The following FLNC variants were observed in gnomAD, a reference collection of about 807,000 sequenced individuals.
FLNC encodes the protein filamin-C.
A neutral mutation model predicts 254.3 loss-of-function variants in FLNC; 91 were observed. That is an observed-to-expected ratio of 0.36 (90% CI 0.30 to 0.43). FLNC has a LOEUF of 0.43. Ranked by LOEUF, FLNC falls within the 20% of genes least tolerant of loss-of-function variation. The pLI is 1.00. For missense variants in FLNC, 2,853 were observed against 3,802.6 expected (o/e 0.75, Z 6.57); for synonymous variants, 1,430 against 1,577.2 (o/e 0.91, Z 2.21).
At chr7:128,848,368 C>T (rs1808653098) in intron 26 of FLNC, among the ~76,000 whole-genome samples, 193 bp from the exon 27 acceptor site, 2 of 152,104 alleles carry the variant, frequency 1.3e-5, no homozygotes, top group African/African-American at 4.8e-5. Flanking sequence ...CTGGCTCTGT[C>T]GAGGGAGTCC....
intron 9 of FLNC, 121 bp downstream of exon 9, chr7:128,840,281 G>A: frequency 1.6e-6 from 2 of 1,251,950 alleles, no homozygotes; most frequent in South Asian, 2.5e-5. Flanking sequence ...AGTGACCAGA[G>A]GCACCCCAGA....
chr7:128,849,560 C>G lies in FLNC; in HGVS notation c.5181C>G (p.Asn1727Lys). ...TIRFGGEHIPNSPFHVLACDP... is the reference protein window; with the variant it reads ...TIRFGGEHIPKSPFHVLACDP... Reference sequence around the variant, plus strand: ...GCTTCGGGGGTGAGCACATCCCCAACAGCCCCTTCCACGTGCTGGTAAGTT... The same window carrying G: ...GCTTCGGGGGTGAGCACATCCCCAAGAGCCCCTTCCACGTGCTGGTAAGTT... The change falls in exon 30 of 48, where the codon AAC becomes AAG. Residue 1727 changes from asparagine (N) to lysine (K), a missense_variant. Physicochemically the swap from Asn to Lys is moderately conservative, Grantham distance 94. This residue lies in a region of FLNC where 258 missense variants were observed against 312.3 expected (regional missense o/e 0.83). Transcript: ENST00000325888. 1 of 1,614,034 alleles carries G rather than the reference C, an allele frequency of 6.2e-7. No homozygotes were observed. Among genetic ancestry groups the G allele is most frequent in the Non-Finnish European group, 8.5e-7 (1 of 1,180,022 alleles).
In FLNC at chr7:128,838,067, A is replaced by T; in HGVS notation, c.1047+3A>T. 1 of 1,606,630 alleles carries T rather than the reference A, an allele frequency of 6.2e-7. No individual in the cohort carries two copies. The highest frequency in any genetic ancestry group is 8.5e-7 in the Non-Finnish European group (1 of 1,173,464). ...CCAAGGTCGCTGGGTTACACAAGGTATCTCCCTCTAGGCCCCCCTGCCTGC... is the reference window on the plus strand; with the variant it reads ...CCAAGGTCGCTGGGTTACACAAGGTTTCTCCCTCTAGGCCCCCCTGCCTGC... On this transcript the variant is annotated splice_donor_region_variant and intron_variant, in intron 6 of 47. Transcript: ENST00000325888.
rs921621765 is a variant in FLNC, at chr7:128,842,438, G to A, written c.2265+64G>A. 1.8e-5 allele frequency: 29 copies of A among 1,609,242 alleles called. 1 individual carries two copies. Among genetic ancestry groups the A allele is most frequent in the Middle Eastern group, 3.4e-4 (2 of 5,848 alleles). The stretch of plus-strand genomic sequence containing the variant: ...GTCCCTGAGGGAGGGCGGAACCCTC[G>A]CTGGAGTCCCTGTTGTCCCTGGGCT... On this transcript the variant is annotated intron_variant, in intron 14 of 47. Transcript: ENST00000325888. The surrounding 1 kb of genome is among the most constrained non-coding windows in gnomAD (Gnocchi z 5.4).
In FLNC at chr7:128,838,591, TG is replaced by T. The variant is rs1159775131; in HGVS notation, c.1211-11del. 1 of 1,612,780 alleles carries T rather than the reference TG, an allele frequency of 6.2e-7. No homozygotes were observed. The highest frequency in any genetic ancestry group is 8.5e-7 in the Non-Finnish European group (1 of 1,179,958). On this transcript the variant is annotated splice_polypyrimidine_tract_variant and intron_variant, in intron 7 of 47. Transcript: ENST00000325888. ...TGTCCAGAGTGGTGCTGACAGCCTCTGTTTTCGGCAGGGGCCGGCACTGGCG... is the reference window on the plus strand; with the variant it reads ...TGTCCAGAGTGGTGCTGACAGCCTCTTTTTCGGCAGGGGCCGGCACTGGCG...
chr7:128,848,817 G>C lies in FLNC; in HGVS notation c.4762G>C (p.Ala1588Pro), dbSNP rs761482137. Residue 1588 changes from alanine (A) to proline (P), a missense_variant, in exon 28 of 48, where the codon GCC becomes CCC. Coordinates refer to ENST00000325888, the MANE Select transcript of FLNC (RefSeq NM_001458.5). ...ILDPEGKPKK[A>P]NIRDNGDGTY... Reference sequence around the variant, plus strand: ...GGACCCCGAGGGTAAGCCCAAGAAGGCCAACATCCGGGACAATGGGGATGG... The same window carrying C: ...GGACCCCGAGGGTAAGCCCAAGAAGCCCAACATCCGGGACAATGGGGATGG... 1 of 1,614,038 alleles carries C rather than the reference G, an allele frequency of 6.2e-7. No individual in the cohort carries two copies. Among genetic ancestry groups the C allele is most frequent in the African/African-American group, 1.3e-5 (1 of 74,916 alleles).
chr7:128,830,885 A>G lies in FLNC; in HGVS notation c.248A>G (p.Tyr83Cys), dbSNP rs1394147315. The G allele has an allele frequency of 6.2e-7, 1 of 1,613,182 alleles. No homozygotes were observed. Among genetic ancestry groups the G allele is most frequent in the East Asian group, 2.2e-5 (1 of 44,874 alleles). ...GAGGTGCTCAGCCAGAAGCGCATGTACCGCAAGTTCCATCCGCGCCCCAAC... is the reference window on the plus strand; with the variant it reads ...GAGGTGCTCAGCCAGAAGCGCATGTGCCGCAAGTTCCATCCGCGCCCCAAC... The part of the protein sequence containing the change: ...LLEVLSQKRM[Y>C]RKFHPRPNFR... The change falls in exon 1 of 48, where the codon TAC becomes TGC. Residue 83 changes from tyrosine (Y) to cysteine (C), a missense_variant. Around this residue, in one of 10 missense-constraint regions of FLNC, gnomAD observed 59 missense variants for 59.8 expected, o/e 0.99. Transcript: ENST00000325888.
chr7:128,852,497 G>C, intron 35 of FLNC, 94 bp from the exon 36 acceptor site: 1 of 1,455,472 alleles, frequency 6.9e-7, no homozygotes, highest in Non-Finnish European at 9.6e-7. Context: ...TGTCTGTTGA[G>C]TCCAGGGGGG....
rs531760477 is a variant in FLNC, at chr7:128,857,999, A to G, written c.7781-9A>G. 186 of 1,501,064 alleles carry G rather than the reference A, an allele frequency of 1.2e-4. No individual in the cohort carries two copies. The South Asian group carries it at 1.6e-3, about 13-fold the overall frequency. 93.0% of individuals were successfully genotyped at this position (1,501,064 alleles called of 1,614,324 possible). ...GACTAGGTTTGTGCCCCCTCCACCC[A>G]CCCCTCAGGTCCGAGGCTGTCCGGA... is the stretch of plus-strand genomic sequence containing the variant. On this transcript the variant is annotated splice_polypyrimidine_tract_variant and intron_variant, in intron 46 of 47. Coordinates refer to ENST00000325888, the MANE Select transcript of FLNC (RefSeq NM_001458.5). This position sits in a 1 kb window ranked among gnomAD's most constrained non-coding sequence, Gnocchi z 4.5.
rs1287178307 is a variant in FLNC, at chr7:128,857,356, A to G, written c.7780+20A>G. Reference sequence around the variant, plus strand: ...TCACTGGTGAGTGCCAGTTTGGGGGAGGTCCACCCAGCCTGCAGCCCAGCC... The same window carrying G: ...TCACTGGTGAGTGCCAGTTTGGGGGGGGTCCACCCAGCCTGCAGCCCAGCC... On this transcript the variant is annotated intron_variant, in intron 46 of 47. Coordinates refer to ENST00000325888, the MANE Select transcript of FLNC (RefSeq NM_001458.5). The surrounding 1 kb of genome is among the most constrained non-coding windows in gnomAD (Gnocchi z 4.5). 17 of 1,584,824 alleles carry G rather than the reference A, an allele frequency of 1.1e-5. No individual in the cohort carries two copies. The highest frequency in any genetic ancestry group is 1.3e-5 in the Non-Finnish European group (15 of 1,156,144).
Position 128,830,615 on chromosome 7 carries a change from C to A in FLNC, c.-23C>A. The A allele has an allele frequency of 6.2e-7, 1 of 1,608,816 alleles. No individual in the cohort carries two copies. Among genetic ancestry groups the A allele is most frequent in the Non-Finnish European group, 8.5e-7 (1 of 1,177,638 alleles). ...GCCCAAACCGCGGCCCTAGCCCCGG[C>A]CGCACCCCCAGCCCGCGCCAGCATG... is the stretch of plus-strand genomic sequence containing the variant. On this transcript the variant is annotated 5_prime_UTR_variant, in exon 1 of 48. Transcript: ENST00000325888.
chr7:128,845,371 G>C, intron 21 of FLNC, 116 bp downstream of exon 21: 1 of 841,482 alleles, frequency 1.2e-6, no homozygotes, highest in East Asian at 2.6e-5. Context: ...GTGAAGGGAG[G>C]GCTCTCGGAG....
intron 8 of FLNC, among the ~76,000 whole-genome samples, chr7:128,839,201 C>T (rs915290971): frequency 6.6e-6 from 1 of 152,240 alleles, no homozygotes; most frequent in African/African-American, 2.4e-5. Context: ...TGACTGGCCT[C>T]ACCTGTGCTG....
At chr7:128,838,577 G>C (rs751006412) in intron 7 of FLNC, 26 bp from the exon 8 acceptor site, 1 of 1,612,338 alleles carries the variant, frequency 6.2e-7, no homozygotes, top group South Asian at 1.1e-5. Context: ...GTCCAGAGTG[G>C]TGCTGACAGC....
chr7:128,858,371 A>G lies in FLNC; in HGVS notation c.8026A>G (p.Lys2676Glu), dbSNP rs768140989. The G allele has an allele frequency of 1.9e-6, 3 of 1,579,256 alleles. No homozygotes were observed. The East Asian group carries it at 6.7e-5, about 35-fold the overall frequency. ...GATGATGGTGGGCGTGCACGGCCCC[A>G]AGACCCCCTGTGAGGAGGTGTACGT... ...NMMMVGVHGPKTPCEEVYVKH... is the reference protein window; with the variant it reads ...NMMMVGVHGPETPCEEVYVKH... The change falls in exon 48 of 48, where the codon AAG becomes GAG. Residue 2676 changes from lysine (K) to glutamate (E), a missense_variant. Physicochemically the swap from Lys to Glu is moderately conservative, Grantham distance 56. Coordinates refer to ENST00000325888, the MANE Select transcript of FLNC (RefSeq NM_001458.5). This position sits in a 1 kb window ranked among gnomAD's most constrained non-coding sequence, Gnocchi z 6.7.
intron 18 of FLNC, 27 bp downstream of exon 18, chr7:128,843,604 G>C (rs779309552): frequency 6.2e-7 from 1 of 1,612,682 alleles, no homozygotes; most frequent in East Asian, 2.2e-5. Context: ...CCATGCTACC[G>C]CCCGGCCGGC....
rs373574362 is a variant in FLNC, at chr7:128,840,269, A to G, written c.1549+109A>G. Reference sequence around the variant, plus strand: ...CAGTGACAGCCAGCACCACAGCTCCACAGTGACCAGAGGCACCCCAGAATC... The same window carrying G: ...CAGTGACAGCCAGCACCACAGCTCCGCAGTGACCAGAGGCACCCCAGAATC... On this transcript the variant is annotated intron_variant, in intron 9 of 47. Transcript: ENST00000325888. 20 of 1,377,436 alleles carry G rather than the reference A, an allele frequency of 1.5e-5. No homozygotes were observed. In the African/African-American group the frequency reaches 2.4e-4, roughly 17 times the overall value. The allele number at this position is 1,377,436 out of a possible 1,614,324, so 85.3% of individuals were successfully genotyped here.
intron 8 of FLNC, among the ~76,000 whole-genome samples, chr7:128,839,242 C>A (rs540873539): frequency 1.3e-5 from 2 of 152,344 alleles, no homozygotes; most frequent in Non-Finnish European, 2.9e-5. Context: ...GTGGAATCGC[C>A]CCCCCTTCCT....
In FLNC at chr7:128,842,581, G is replaced by A. The variant is rs371418145; in HGVS notation, c.2272G>A (p.Val758Met). 1.3e-4 allele frequency: 195 copies of A among 1,549,306 alleles called. No individual in the cohort carries two copies. The highest frequency in any genetic ancestry group is 1.7e-4 in the Non-Finnish European group (192 of 1,146,942). Residue 758 changes from valine (V) to methionine (M), a missense_variant, in exon 15 of 48, where the codon GTG becomes ATG. This residue lies in a region of FLNC where 1,573 missense variants were observed against 1,883.5 expected (regional missense o/e 0.84). Transcript: ENST00000325888. The surrounding 1 kb of genome is among the most constrained non-coding windows in gnomAD (Gnocchi z 5.4). ...GCTGCGACCCCTCCCGCAGGTGAAC[G>A]TGGGCGAGGGCAGCCACCCCGAGCG... is the stretch of plus-strand genomic sequence containing the variant. ...NVPKSPFRVN[V>M]GEGSHPERVK...
Sources: gnomAD v4.1 joint callset for allele counts (sites outside exome capture counted in the v4.1 genomes callset) on GRCh38, gnomAD v4.1.1 for gene constraint, gnomAD v4.1.1 regional missense constraint, Gnocchi (gnomAD v3.1) non-coding constraint, MANE v1.5 for transcripts, NCBI Gene and HGNC (gene_info 2026-07-23, HGNC 2026-07-21) for gene names.